Variants in MRPL17 observed in about 807,000 individuals in gnomAD.
The protein encoded by MRPL17 is mitochondrial ribosomal protein L17.
Under a neutral mutation model 12.0 loss-of-function variants are expected in MRPL17, and 8 were observed. The observed-to-expected ratio is 0.67, with a 90% confidence interval of 0.39 to 1.21. MRPL17 has a LOEUF of 1.21. MRPL17 is among the 50% of genes most tolerant of loss of function. MRPL17 has a pLI of 0.01. For synonymous variants in MRPL17, 107 were observed against 92.9 expected, an observed-to-expected ratio of 1.15 and a Z score of -0.87; for missense variants, 263 against 234.4, an observed-to-expected ratio of 1.12 and a Z score of -0.80.
rs569532124 is a variant in MRPL17 at position 6,680,826 on chromosome 11, T to C, written c.*1292A>G. ...TAAATGTTTTGAGTGTCTACTATAT[T>C]TCATTTAAAATATAAGAGCTTTCTG... On this transcript the variant is annotated 3_prime_UTR_variant, in exon 3 of 3. Coordinates refer to ENST00000288937, the MANE Select transcript of MRPL17 (RefSeq NM_022061.4). 6.6e-6 allele frequency: 1 copy of C among 152,166 alleles called. No homozygotes were observed. The highest frequency in any genetic ancestry group is 1.5e-5 in the Non-Finnish European group (1 of 68,042). The allele number at this position is 152,166 out of a possible 1,614,324, so 9.4% of individuals were successfully genotyped here.
In MRPL17 at chr11:6,682,925, A is replaced by G; in HGVS notation, c.175-110T>C. On this transcript the variant is annotated intron_variant, in intron 1 of 2. Transcript: ENST00000288937. ...TCTTTCCACTAGCCAAGCATCTCCA[A>G]TCTACGCCACCCCTAACTCCGCAGC... 3.1e-6 allele frequency: 4 copies of G among 1,285,802 alleles called. No homozygotes were observed. In the East Asian group the frequency reaches 9.5e-5, roughly 30 times the overall value. The allele number at this position is 1,285,802 out of a possible 1,614,324, so 79.6% of individuals were successfully genotyped here.
Position 6,682,738 on chromosome 11 carries a change from C to A in MRPL17, c.243+9G>T. The A allele has an allele frequency of 6.2e-7, 1 of 1,613,844 alleles. No individual in the cohort carries two copies. Among genetic ancestry groups the A allele is most frequent in the Non-Finnish European group, 8.5e-7 (1 of 1,179,728 alleles). ...GGTGGGATTTTGAAGGCAGATAGGT[C>A]GCACTCACTGTGAGCCAGAAGTCAG... On this transcript the variant is annotated intron_variant, in intron 2 of 2. Coordinates refer to ENST00000288937, the MANE Select transcript of MRPL17 (RefSeq NM_022061.4).
rs1264673894 is a variant in MRPL17 at position 6,680,682 on chromosome 11, G to A, written c.*1436C>T. ...TTTAAAATAAAGATGTGGTTTTAAG[G>A]AAAGTGGTTTCTCTAGAAGTTAGGT... On this transcript the variant is annotated 3_prime_UTR_variant, in exon 3 of 3. Transcript: ENST00000288937. The A allele has an allele frequency of 6.6e-6, 1 of 152,182 alleles. No homozygotes were observed. Among genetic ancestry groups the A allele is most frequent in the East Asian group, 1.9e-4 (1 of 5,198 alleles). The allele number at this position is 152,182 out of a possible 1,614,324, so 9.4% of individuals were successfully genotyped here.
Position 6,682,795 on chromosome 11 carries a change from C to G in MRPL17, c.195G>C (p.Leu65=). 6.2e-7 allele frequency: 1 copy of G among 1,614,182 alleles called. No homozygotes were observed. The highest frequency in any genetic ancestry group is 8.5e-7 in the Non-Finnish European group (1 of 1,180,012). ...GCATGGCTCGTTCGTTAGTGTCTCC[C>G]AGCTTCCCATAGTCGATGAGCTGTG... ...YAEKLIDYGK[L]GDTNERAMRM... is the part of the protein sequence containing the mutation. The change falls in exon 2 of 3, where the codon CTG becomes CTC. Residue 65 remains leucine (L), a synonymous_variant. Transcript: ENST00000288937.
Position 6,682,175 on chromosome 11 carries a change from C to A in MRPL17, c.471G>T (p.Arg157Ser), listed in dbSNP as rs768892531. The A allele has an allele frequency of 6.2e-7, 1 of 1,614,102 alleles. No homozygotes were observed. Among genetic ancestry groups the A allele is most frequent in the South Asian group, 1.1e-5 (1 of 91,072 alleles). ...QLLQGLRQDLRQSQEASNHSS... is the reference protein window; with the variant it reads ...QLLQGLRQDLSQSQEASNHSS... ...TGTGGTTGCTTGCTTCCTGGCTTTG[C>A]CTGAGGTCCTGCCGCAAACCCTGCA... Residue 157 changes from arginine (R) to serine (S), a missense_variant, in exon 3 of 3, where the codon AGG (arginine) becomes AGT (serine). Coordinates refer to ENST00000288937, the MANE Select transcript of MRPL17 (RefSeq NM_022061.4).
Position 6,682,835 on chromosome 11 carries a change from C to A in MRPL17, c.175-20G>T, listed in dbSNP as rs757061652. 1.9e-6 allele frequency: 3 copies of A among 1,600,732 alleles called. No individual in the cohort carries two copies. The highest frequency in any genetic ancestry group is 1.1e-5 in the South Asian group (1 of 90,414). On this transcript the variant is annotated intron_variant, in intron 1 of 2. Transcript: ENST00000288937. ...GATGAGCTGTGAGGACATAACATCA[C>A]GGATCCAACCGAGCAAGAAAACAAG...
At chr11:6,682,498 T>G (rs773188898) in intron 2 of MRPL17, 96 bp from the exon 3 acceptor site, 1 of 1,376,184 alleles carries the variant, frequency 7.3e-7, no homozygotes, top group Non-Finnish European at 1.0e-6. Flanking sequence ...CATCCACACA[T>G]AGAAAGACCT....
At position 6,682,820 on chromosome 11, in the gene MRPL17, G is replaced by A. The variant is rs16917042; in HGVS notation, c.175-5C>T. On this transcript the variant is annotated splice_polypyrimidine_tract_variant and splice_region_variant and intron_variant, in intron 1 of 2. Transcript: ENST00000288937. ...CAGCTTCCCATAGTCGATGAGCTGTGAGGACATAACATCACGGATCCAACC... is the reference window on the plus strand; with the variant it reads ...CAGCTTCCCATAGTCGATGAGCTGTAAGGACATAACATCACGGATCCAACC... 111,052 of 1,612,628 alleles carry A rather than the reference G, an allele frequency of 0.069. 4,356 individuals are homozygous for A. Among genetic ancestry groups the A allele is most frequent in the African/African-American group, 0.13 (9,995 of 74,954 alleles).
Position 6,681,178 on chromosome 11 carries a change from C to T in MRPL17, c.*940G>A, listed in dbSNP as rs3741277. Reference sequence around the variant, plus strand: ...AAGACTGATGGCTCCTTTCTAAGTCCTTCCATAACTACTACCCTACTAAAG... The same window carrying T: ...AAGACTGATGGCTCCTTTCTAAGTCTTTCCATAACTACTACCCTACTAAAG... On this transcript the variant is annotated 3_prime_UTR_variant, in exon 3 of 3. Coordinates refer to ENST00000288937, the MANE Select transcript of MRPL17 (RefSeq NM_022061.4). 45,461 of 152,010 alleles carry T rather than the reference C, an allele frequency of 0.3. 10,281 individuals carry two copies. The highest frequency in any genetic ancestry group is 0.62 in the African/African-American group (25,797 of 41,424). The allele number at this position is 152,010 out of a possible 1,614,324, so 9.4% of individuals were successfully genotyped here. A position where few individuals can be genotyped will look rare whatever the true frequency, so the allele number is the denominator to read the frequency against.
Position 6,683,313 on chromosome 11 carries a change from C to A in MRPL17, c.-17G>T. The A allele has an allele frequency of 6.2e-7, 1 of 1,603,616 alleles. No homozygotes were observed. Among genetic ancestry groups the A allele is most frequent in the South Asian group, 1.1e-5 (1 of 90,196 alleles). On this transcript the variant is annotated 5_prime_UTR_variant, in exon 1 of 3. Transcript: ENST00000288937. ...CAGCCGCATGTTTCCAACTTCTGCC[C>A]GCCCCTTGGAGGCCGGAACTGGAAA...
Position 6,683,339 on chromosome 11 carries a change from C to G in MRPL17, c.-43G>C. 1 of 1,576,422 alleles carries G rather than the reference C, an allele frequency of 6.3e-7. No homozygotes were observed. Among genetic ancestry groups the G allele is most frequent in the Non-Finnish European group, 8.6e-7 (1 of 1,158,278 alleles). On this transcript the variant is annotated 5_prime_UTR_variant, in exon 1 of 3. Coordinates refer to ENST00000288937, the MANE Select transcript of MRPL17 (RefSeq NM_022061.4). ...GCCCCTTGGAGGCCGGAACTGGAAA[C>G]TGGAAGGTAGAGCCGGTGGCGGCAA...
chr11:6,682,498 TAGAA>T (rs1204186433), intron 2 of MRPL17, 96 bp from the exon 3 acceptor site: 5 of 1,376,066 alleles, frequency 3.6e-6, no homozygotes, highest in African/African-American at 1.4e-5. Flanking sequence ...CATCCACACA[TAGAA>T]AGACCTCCCC....
At position 6,682,163 on chromosome 11, in the gene MRPL17, T is replaced by A. The variant is rs758678229; in HGVS notation, c.483A>T (p.Glu161Asp). Residue 161 changes from glutamate (E) to aspartate (D), a missense_variant, in exon 3 of 3, where the codon GAA becomes GAT. By Grantham distance (45) the Glu-to-Asp change is conservative. Transcript: ENST00000288937. ...GLRQDLRQSQ[E>D]ASNHSSHTAQ... ...CTGTGTGGGAGCTGTGGTTGCTTGCTTCCTGGCTTTGCCTGAGGTCCTGCC... is the reference window on the plus strand; with the variant it reads ...CTGTGTGGGAGCTGTGGTTGCTTGCATCCTGGCTTTGCCTGAGGTCCTGCC... 5.6e-6 allele frequency: 9 copies of A among 1,613,960 alleles called. No homozygotes were observed. Among genetic ancestry groups the A allele is most frequent in the Non-Finnish European group, 6.8e-6 (8 of 1,179,972 alleles).
intron 1 of MRPL17, 54 bp from the exon 2 acceptor site, chr11:6,682,869 C>G (rs1846583194): frequency 1.7e-5 from 26 of 1,536,060 alleles, no homozygotes; most frequent in African/African-American, 1.1e-4. Context: ...AGGTGCCAAT[C>G]TAATTTCTCT....
rs1353311778 is a variant in MRPL17, at chr11:6,682,165, C to T, written c.481G>A (p.Glu161Lys). The part of the protein sequence containing the change: ...GLRQDLRQSQ[E>K]ASNHSSHTAQ... The stretch of plus-strand genomic sequence containing the variant: ...GTGTGGGAGCTGTGGTTGCTTGCTT[C>T]CTGGCTTTGCCTGAGGTCCTGCCGC... The change falls in exon 3 of 3, where the codon GAA becomes AAA. Residue 161 changes from glutamate (E) to lysine (K), a missense_variant. Transcript: ENST00000288937. The T allele has an allele frequency of 6.2e-7, 1 of 1,613,954 alleles. No homozygotes were observed. The highest frequency in any genetic ancestry group is 8.5e-7 in the Non-Finnish European group (1 of 1,179,972).
Position 6,683,261 on chromosome 11 carries a change from GC to G in MRPL17, c.35del (p.Gly12AlafsTer41). On this transcript the variant is annotated frameshift_variant, in exon 1 of 3. Transcript: ENST00000288937. LOFTEE classifies it high-confidence loss of function. The stretch of plus-strand genomic sequence containing the variant: ...CGAGGCCCATACGGCGAAATACGCG[GC>G]CATGGGAGATCGCTGCAGCGACCGA... ...RLSVAAAISH[G>X]RVFRRMGLGP... 6.2e-7 allele frequency: 1 copy of G among 1,613,948 alleles called. No homozygotes were observed. Among genetic ancestry groups the G allele is most frequent in the Non-Finnish European group, 8.5e-7 (1 of 1,179,940 alleles).
At chr11:6,682,611 C>A in intron 2 of MRPL17, 136 bp downstream of exon 2, 1 of 996,774 alleles carries the variant, frequency 1.0e-6, no homozygotes, top group Non-Finnish European at 1.6e-6. Flanking sequence ...TAACTTAAGA[C>A]ACAGTTTCTA....
In MRPL17 at chr11:6,681,868, G is replaced by A. The variant is rs1846567329; in HGVS notation, c.*250C>T. On this transcript the variant is annotated 3_prime_UTR_variant, in exon 3 of 3. Coordinates refer to ENST00000288937, the MANE Select transcript of MRPL17 (RefSeq NM_022061.4). The stretch of plus-strand genomic sequence containing the variant: ...ATGAATTTACTATCTCAGGTAGACT[G>A]AGCATTTGGATAATTCTCATTCTCC... 1 of 268,318 alleles carries A rather than the reference G, an allele frequency of 3.7e-6. No homozygotes were observed. The highest frequency in any genetic ancestry group is 2.2e-5 in the African/African-American group (1 of 45,566). The allele number at this position is 268,318 out of a possible 1,614,324, so 16.6% of individuals were successfully genotyped here. A position where few individuals can be genotyped will look rare whatever the true frequency, so the allele number is the denominator to read the frequency against.
Position 6,682,091 on chromosome 11 carries a change from T to G in MRPL17, c.*27A>C. ...AAGGCCTGTGATCATGGGTACTGAT[T>G]AAGGGCTGCAGACTCTTCAGATCCA... On this transcript the variant is annotated 3_prime_UTR_variant, in exon 3 of 3. Coordinates refer to ENST00000288937, the MANE Select transcript of MRPL17 (RefSeq NM_022061.4). 2 of 1,590,344 alleles carry G rather than the reference T, an allele frequency of 1.3e-6. No homozygotes were observed. Among genetic ancestry groups the G allele is most frequent in the South Asian group, 1.1e-5 (1 of 88,930 alleles).
Sources: gnomAD v4.1 joint callset for allele counts on GRCh38, gnomAD v4.1.1 for gene constraint, MANE v1.5 for transcripts, NCBI Gene and HGNC (gene_info 2026-07-23, HGNC 2026-07-21) for gene names.